The following TRIQK variants were observed in gnomAD, a reference collection of about 807,000 sequenced individuals.
The protein encoded by TRIQK is triple QxxK/R motif containing, also known as triple QxxK/R motif-containing protein.
Under a neutral mutation model 10.8 loss-of-function variants are expected in TRIQK, and 10 were observed. The ratio of observed to expected loss-of-function variants is 0.92; its 90% CI spans 0.57 to 1.57. TRIQK has a LOEUF of 1.57. TRIQK is among the 40% of genes most tolerant of loss of function. The pLI, the probability that TRIQK is intolerant of heterozygous loss-of-function variation, is 0.00. For synonymous variants in TRIQK, 33 were observed against 33.7 expected, an observed-to-expected ratio of 0.98 and a Z score of 0.07; for missense variants, 107 against 97.7, an observed-to-expected ratio of 1.09 and a Z score of -0.40.
intron 1 of TRIQK, among the ~76,000 whole-genome samples, chr8:92,997,529 T>C (rs570616791): frequency 6.6e-6 from 1 of 152,196 alleles, no homozygotes; most frequent in African/African-American, 2.4e-5. Context: ...ACTCAATTTC[T>C]GTCCTTACAT....
At chr8:92,954,238 A>G (rs984281934) in intron 2 of TRIQK, 168 bp downstream of exon 2, 5 of 151,992 alleles carry the variant, frequency 3.3e-5, no homozygotes, top group Admixed American at 1.3e-4. Context: ...AATAAATACA[A>G]GTAAAAACAT....
At chr8:92,977,671 G>A (rs988457552) in intron 1 of TRIQK, among the ~76,000 whole-genome samples, 3 of 151,946 alleles carry the variant, frequency 2.0e-5, no homozygotes, top group Non-Finnish European at 4.4e-5. Context: ...TTTTCATTAT[G>A]TGGAGCATAT....
chr8:93,016,304 C>T (rs544663731), intron 1 of TRIQK, among the ~76,000 whole-genome samples: 7 of 152,246 alleles, frequency 4.6e-5, no homozygotes, highest in Admixed American at 1.3e-4. Flanking sequence ...TTCTGAGTTT[C>T]CATGTGTCCT....
chr8:92,928,102 T>C (rs1586440212), intron 2 of TRIQK: 1 of 151,418 alleles, frequency 6.6e-6, no homozygotes, highest in East Asian at 2.0e-4. Context: ...GGGAAGGAAA[T>C]AGCAGGAGAC....
chr8:92,917,841 C>A (rs1056061377), intron 2 of TRIQK, among the ~76,000 whole-genome samples: 1 of 151,874 alleles, frequency 6.6e-6, no homozygotes, highest in Non-Finnish European at 1.5e-5. Context: ...TCTACTCTAA[C>A]TGTATTTTTG....
intron 3 of TRIQK, among the ~76,000 whole-genome samples, chr8:92,915,728 T>C (rs967282099): frequency 2.7e-4 from 41 of 150,102 alleles, no homozygotes; most frequent in African/African-American, 9.3e-4. Flanking sequence ...CTCGATCTCC[T>C]GACCTTGTGA....
chr8:93,012,505 A>C (rs936738233), intron 1 of TRIQK, among the ~76,000 whole-genome samples: 4 of 152,194 alleles, frequency 2.6e-5, no homozygotes, highest in African/African-American at 4.8e-5. Context: ...GGTCATATTC[A>C]GAAATGGTTA....
At chr8:93,004,896 T>G (rs1449776381) in intron 1 of TRIQK, among the ~76,000 whole-genome samples, 1 of 152,234 alleles carries the variant, frequency 6.6e-6, no homozygotes, top group African/African-American at 2.4e-5. Context: ...TGAACTTCAC[T>G]GTCCATATCA....
chr8:92,905,526 G>A (rs900528127), intron 3 of TRIQK, among the ~76,000 whole-genome samples: 5 of 152,126 alleles, frequency 3.3e-5, no homozygotes, highest in African/African-American at 1.2e-4. Context: ...CTTAGCTACT[G>A]GTGTATTTTC....
intron 2 of TRIQK, among the ~76,000 whole-genome samples, chr8:92,924,854 T>C (rs987437447): frequency 6.6e-6 from 1 of 152,056 alleles, no homozygotes; most frequent in Non-Finnish European, 1.5e-5. Flanking sequence ...TCGTACTGTA[T>C]AAAACTGGAG....
chr8:92,993,022 G>A (rs1334175010), intron 1 of TRIQK, among the ~76,000 whole-genome samples: 1 of 152,102 alleles, frequency 6.6e-6, no homozygotes, highest in Non-Finnish European at 1.5e-5. Context: ...GAGGTCAAAA[G>A]GAACCTATGA....
Position 92,919,752 on chromosome 8 carries a change from A to T in TRIQK, c.-21-2742T>A, listed in dbSNP as rs150176174. Among the ~76,000 whole-genome samples the T allele has an allele frequency of 1.6e-3, 236 of 151,948 alleles. 1 individual carries two copies. Among genetic ancestry groups the T allele is most frequent in the African/African-American group, 4.7e-3 (197 of 41,540 alleles). ...AACTGTTTGGTAGAAGTCAGCAATG[A>T]ATCTATCAGGTCCTGGACTTTTCTT... On this transcript the variant is annotated intron_variant, in intron 2 of 4. Coordinates refer to ENST00000521988, the MANE Select transcript of TRIQK (RefSeq NM_001171797.2).
At chr8:92,918,741 T>C (rs886152902) in intron 2 of TRIQK, among the ~76,000 whole-genome samples, 29 of 151,774 alleles carry the variant, frequency 1.9e-4, no homozygotes, top group African/African-American at 6.8e-4. Context: ...TATGTGTCTA[T>C]TTTTGATTTT....
At chr8:92,978,519 G>A (rs535851216) in intron 1 of TRIQK, among the ~76,000 whole-genome samples, 131 of 152,188 alleles carry the variant, frequency 8.6e-4, no homozygotes, top group Admixed American at 3.5e-3. Flanking sequence ...CTAGGAGGAT[G>A]TTTCATTTGT....
At chr8:93,015,286 A>C (rs867665905) in intron 1 of TRIQK, among the ~76,000 whole-genome samples, 3 of 151,920 alleles carry the variant, frequency 2.0e-5, no homozygotes, top group Non-Finnish European at 4.4e-5. Flanking sequence ...ATTCCAGCTA[A>C]ATTGTCAGAT....
At chr8:92,993,647 T>G (rs1004581856) in intron 1 of TRIQK, among the ~76,000 whole-genome samples, 7 of 152,184 alleles carry the variant, frequency 4.6e-5, no homozygotes, top group African/African-American at 1.7e-4. Flanking sequence ...TGGAGATATC[T>G]GCACCGGTGG....
intron 1 of TRIQK, among the ~76,000 whole-genome samples, chr8:92,993,908 G>A (rs1187223480): frequency 6.6e-6 from 1 of 152,076 alleles, no homozygotes; most frequent in Non-Finnish European, 1.5e-5. Flanking sequence ...AGATATTGAT[G>A]ATAAAAGACT....
intron 1 of TRIQK, among the ~76,000 whole-genome samples, chr8:93,012,042 C>T (rs28434746): frequency 0.14 from 21,477 of 151,870 alleles, 1,539 homozygotes; most frequent in East Asian, 0.19. Context: ...GTGCATGAAG[C>T]AGATACGTAC....
chr8:92,949,261 G>C (rs1435121710), intron 2 of TRIQK, among the ~76,000 whole-genome samples: 1 of 152,076 alleles, frequency 6.6e-6, no homozygotes, highest in Non-Finnish European at 1.5e-5. Flanking sequence ...CTGATAAAGG[G>C]TAGGTTAATT....
Sources: allele counts gnomAD v4.1 joint callset (sites outside exome capture counted in the v4.1 genomes callset), GRCh38; gene constraint gnomAD v4.1.1; transcripts MANE v1.5; gene names NCBI Gene and HGNC (gene_info 2026-07-23, HGNC 2026-07-21).